WDPCP: variants seen among roughly 807,000 people sequenced by gnomAD.
The protein encoded by WDPCP is WD repeat containing planar cell polarity effector.
Under a neutral mutation model 93.1 loss-of-function variants are expected in WDPCP, and 71 were observed. The observed-to-expected ratio is 0.76, with a 90% CI of 0.63 to 0.93. The LOEUF is 0.93. WDPCP is among the 40% of genes least tolerant of loss of function. The probability of loss-of-function intolerance (pLI) is 0.00; values close to 1 mark genes in which losing one functional copy is unlikely to be tolerated. For missense variants in WDPCP, 844 were observed against 887.4 expected (o/e 0.95, Z 0.62); for synonymous variants, 315 against 315.0 (o/e 1.00, Z 0.00).
intron 17 of WDPCP, among the ~76,000 whole-genome samples, chr2:63,142,741 A>G (rs1321479585): frequency 3.3e-5 from 5 of 150,064 alleles, no homozygotes; most frequent in Admixed American, 1.3e-4. Context: ...TCTTAGGTCT[A>G]TTCTTAGGTC....
intron 13 of WDPCP, among the ~76,000 whole-genome samples, chr2:63,283,320 A>G (rs556950537): frequency 5.5e-4 from 84 of 152,340 alleles, no homozygotes; most frequent in African/African-American, 2.0e-3. Context: ...CTAGGATTAC[A>G]GGTGCATGCC....
rs112279401 is a variant in WDPCP at position 63,607,241 on chromosome 2, G to A, written n.488+43418C>T. 6.5e-3 allele frequency: 1,523 copies of A among 233,104 alleles called. 20 individuals are homozygous for A. The highest frequency in any genetic ancestry group is 0.032 in the African/African-American group (1,384 of 43,426). The allele number at this position is 233,104 out of a possible 1,614,324, so 14.4% of individuals were successfully genotyped here. Reference sequence around the variant, plus strand: ...CTAGCTAATATTTAGTGTCTATTCAGGAAGCAAACTTGCGGACAGGCGCAG... The same window carrying A: ...CTAGCTAATATTTAGTGTCTATTCAAGAAGCAAACTTGCGGACAGGCGCAG... On this transcript the variant is annotated intron_variant and non_coding_transcript_variant, in intron 3 of 4. Transcript: ENST00000467687.
At chr2:63,794,941 C>T (rs1340372933) in intron 2 of WDPCP, among the ~76,000 whole-genome samples, 1 of 152,180 alleles carries the variant, frequency 6.6e-6, no homozygotes, top group African/African-American at 2.4e-5. Context: ...TCATGTAGGA[C>T]AGGTTATATG....
chr2:63,759,673 C>A (rs893264017), intron 2 of WDPCP, among the ~76,000 whole-genome samples: 4 of 152,210 alleles, frequency 2.6e-5, no homozygotes, highest in African/African-American at 7.2e-5. Context: ...ACATGATACA[C>A]CAACTACTGG....
rs570177978 is a variant in WDPCP, at chr2:63,637,080, G to A, written n.488+13579C>T. 3.9e-5 allele frequency among the ~76,000 whole-genome samples: 6 copies of A among 152,228 alleles called. No homozygotes were observed. In the East Asian group the frequency reaches 7.7e-4, roughly 20 times the overall value. ...AAACAAACAAGAGTGGCGGCTGGGCGCGGTAGCTCATGCCTGTAATCCCAG... is the reference window on the plus strand; with the variant it reads ...AAACAAACAAGAGTGGCGGCTGGGCACGGTAGCTCATGCCTGTAATCCCAG... On this transcript the variant is annotated intron_variant and non_coding_transcript_variant, in intron 3 of 4. Coordinates refer to the WDPCP transcript ENST00000467687.
intron 2 of WDPCP, among the ~76,000 whole-genome samples, chr2:63,731,534 T>G (rs1179330243): frequency 2.6e-5 from 4 of 152,186 alleles, no homozygotes; most frequent in African/African-American, 9.7e-5. Flanking sequence ...GAAGAAATAC[T>G]ATTAGGAAAG....
At chr2:63,655,030 C>T (rs1287522028) in intron 2 of WDPCP, among the ~76,000 whole-genome samples, 1 of 152,160 alleles carries the variant, frequency 6.6e-6, no homozygotes, top group East Asian at 1.9e-4. Flanking sequence ...AGATGAGAGA[C>T]TAGAGAATCA....
chr2:63,769,988 C>G (rs900695425), intron 2 of WDPCP, among the ~76,000 whole-genome samples: 4 of 151,820 alleles, frequency 2.6e-5, no homozygotes, highest in Admixed American at 6.6e-5. Flanking sequence ...AGAGTCCCCC[C>G]AAGACAAATG....
chr2:63,254,427 G>T (rs900954936), intron 14 of WDPCP, among the ~76,000 whole-genome samples: 3 of 152,034 alleles, frequency 2.0e-5, no homozygotes, highest in African/African-American at 7.2e-5. Context: ...CACCAATACA[G>T]TAGTTTCTCC....
At chr2:63,829,772 T>A (rs2104165807), upstream of WDPCP, among the ~76,000 whole-genome samples, 1 of 152,264 alleles carries the variant, frequency 6.6e-6, no homozygotes, top group Non-Finnish European at 1.5e-5. Context: ...AATAATCGTC[T>A]TGTGCATTTT....
intron 13 of WDPCP, among the ~76,000 whole-genome samples, chr2:63,267,280 C>T (rs1682215835): frequency 1.3e-5 from 2 of 152,116 alleles, no homozygotes; most frequent in Non-Finnish European, 2.9e-5. Context: ...GTTGGGAAAA[C>T]TGGATATTCA....
At chr2:63,223,933 A>G (rs1678058615) in intron 14 of WDPCP, among the ~76,000 whole-genome samples, 1 of 152,060 alleles carries the variant, frequency 6.6e-6, no homozygotes, top group South Asian at 2.1e-4. Context: ...TTCAATTACT[A>G]TAGACTTGTA....
At chr2:63,816,214 C>G (rs1670930729) in intron 1 of WDPCP, among the ~76,000 whole-genome samples, 1 of 151,858 alleles carries the variant, frequency 6.6e-6, no homozygotes, top group Non-Finnish European at 1.5e-5. Flanking sequence ...AGGCTGAAAA[C>G]AAATCTACAA....
intron 2 of WDPCP, among the ~76,000 whole-genome samples, chr2:63,794,663 C>T (rs1467249956): frequency 6.6e-6 from 1 of 152,198 alleles, no homozygotes; most frequent in Non-Finnish European, 1.5e-5. Context: ...AAGGCCTATT[C>T]TACCTCTAGA....
At chr2:63,397,102 G>A (rs1390870958) in intron 10 of WDPCP, among the ~76,000 whole-genome samples, 1 of 152,164 alleles carries the variant, frequency 6.6e-6, no homozygotes, top group Admixed American at 6.6e-5. Context: ...GAAGGCAGAA[G>A]AATATAGATA....
chr2:63,322,998 T>C (rs749887286), intron 12 of WDPCP, among the ~76,000 whole-genome samples: 1 of 152,226 alleles, frequency 6.6e-6, no homozygotes, highest in Non-Finnish European at 1.5e-5. Context: ...TCCCTGACTC[T>C]TCAGAGTTGG....
chr2:63,339,551 C>T (rs775538664), intron 12 of WDPCP, among the ~76,000 whole-genome samples: 17 of 152,176 alleles, frequency 1.1e-4, no homozygotes, highest in Non-Finnish European at 2.2e-4. Flanking sequence ...TATCCTGCAA[C>T]TTGACTGAAT....
intron 6 of WDPCP, among the ~76,000 whole-genome samples, chr2:63,446,924 A>G (rs1697905454): frequency 6.6e-6 from 1 of 152,254 alleles, no homozygotes; most frequent in Non-Finnish European, 1.5e-5. Context: ...AGCAATGTCT[A>G]TGATGCCAAA....
At chr2:63,729,247 A>C (rs911807718) in intron 2 of WDPCP, among the ~76,000 whole-genome samples, 6 of 152,234 alleles carry the variant, frequency 3.9e-5, no homozygotes, top group Non-Finnish European at 5.9e-5. Context: ...TAATGATTTT[A>C]TTAAAATTAT....
Sources: allele counts gnomAD v4.1 joint callset (sites outside exome capture counted in the v4.1 genomes callset), GRCh38; gene constraint gnomAD v4.1.1; transcripts MANE v1.5; gene names NCBI Gene and HGNC (gene_info 2026-07-23, HGNC 2026-07-21).